The following LRRC37A2 variants were observed in gnomAD, a reference collection of about 807,000 sequenced individuals.
LRRC37A2 encodes the protein leucine-rich repeat-containing protein 37A2.
LRRC37A2 carries 9 observed loss-of-function variants against 68.8 expected under a neutral mutation model. The ratio of observed to expected loss-of-function variants is 0.13; its 90% CI spans 0.08 to 0.23. The LOEUF is 0.23. Among genes scored for constraint, LRRC37A2 ranks in the 10% least tolerant of loss-of-function variants. LRRC37A2 has a pLI of 1.00. For synonymous variants in LRRC37A2, 63 were observed against 367.6 expected, an observed-to-expected ratio of 0.17 and a Z score of 9.48; for missense variants, 168 against 950.4, an observed-to-expected ratio of 0.18 and a Z score of 10.82.
the LRRC37A2 span, among the ~76,000 whole-genome samples, chr17:46,801,601 C>G: frequency 7.6e-6 from 1 of 131,468 alleles, no homozygotes; most frequent in African/African-American, 2.9e-5. Flanking sequence ...CTCTGGGCAA[C>G]AGAGCGAGAC....
the LRRC37A2 span, among the ~76,000 whole-genome samples, chr17:46,846,573 G>A: frequency 1.3e-5 from 2 of 152,262 alleles, no homozygotes; most frequent in Non-Finnish European, 2.9e-5. Flanking sequence ...GGAATTGTCA[G>A]TCAAGGTGGG....
At chr17:46,752,887 C>G in the LRRC37A2 span, among the ~76,000 whole-genome samples, 59 of 152,306 alleles carry the variant, frequency 3.9e-4, 2 homozygotes, top group East Asian at 0.011. Flanking sequence ...CTGCCTCGGC[C>G]TCCTGAGTAG....
chr17:46,997,008 T>C, the LRRC37A2 span, among the ~76,000 whole-genome samples: 1 of 152,182 alleles, frequency 6.6e-6, no homozygotes, highest in Non-Finnish European at 1.5e-5. Context: ...AGTTTCTCTT[T>C]AGAAGTAATC....
At chr17:46,918,648 C>G in the LRRC37A2 span, among the ~76,000 whole-genome samples, 7 of 150,982 alleles carry the variant, frequency 4.6e-5, no homozygotes, top group Non-Finnish European at 1.0e-4. Flanking sequence ...CATACAATTT[C>G]CCAGAGCACT....
chr17:46,936,792 A>G, the LRRC37A2 span: 6 of 983,350 alleles, frequency 6.1e-6, no homozygotes, highest in South Asian at 4.7e-5. Flanking sequence ...AAAAAAAAAT[A>G]CAAATACATT....
At chr17:46,867,778 G>A in the LRRC37A2 span, among the ~76,000 whole-genome samples, 10 of 152,320 alleles carry the variant, frequency 6.6e-5, no homozygotes, top group African/African-American at 2.2e-4. Context: ...GTGAGAGTGT[G>A]TGAGATGAAG....
chr17:46,390,232 A>G, the LRRC37A2 span, among the ~76,000 whole-genome samples: 4 of 98,096 alleles, frequency 4.1e-5, no homozygotes, highest in East Asian at 9.0e-4. Context: ...TTATGACCTA[A>G]TTTAGCCTCA....
chr17:46,759,477 G>A, the LRRC37A2 span, among the ~76,000 whole-genome samples: 4 of 152,208 alleles, frequency 2.6e-5, no homozygotes, highest in Non-Finnish European at 4.4e-5. Context: ...CAGCGTAGAC[G>A]CCATGCAACT....
chr17:46,798,634 G>A, the LRRC37A2 span, among the ~76,000 whole-genome samples: 2 of 152,114 alleles, frequency 1.3e-5, no homozygotes, highest in African/African-American at 4.8e-5. Flanking sequence ...TCCCACCCAG[G>A]CCTCCTGCAC....
chr17:46,398,059 A>G, the LRRC37A2 span, among the ~76,000 whole-genome samples: 2 of 82,472 alleles, frequency 2.4e-5, no homozygotes, highest in African/African-American at 7.2e-5. Flanking sequence ...AGGGAAGCAA[A>G]GGTTGCAGTG....
At chr17:46,768,557 G>A in the LRRC37A2 span, 6 of 1,614,082 alleles carry the variant, frequency 3.7e-6, no homozygotes, top group African/African-American at 4.0e-5. This position sits in a 1 kb window ranked among gnomAD's most constrained non-coding sequence, Gnocchi z 5.0. Flanking sequence ...GGGAGTTCTC[G>A]TAGTAGACCA....
At chr17:46,731,914 T>C in the LRRC37A2 span, among the ~76,000 whole-genome samples, 13 of 152,222 alleles carry the variant, frequency 8.5e-5, no homozygotes, top group Non-Finnish European at 1.9e-4. Flanking sequence ...CCACCTTGCT[T>C]TTTAAAATGT....
chr17:46,906,963 A>G, the LRRC37A2 span, among the ~76,000 whole-genome samples: 2 of 152,352 alleles, frequency 1.3e-5, 1 homozygote, highest in South Asian at 4.1e-4. Context: ...TTTAGTCGTC[A>G]CAAAAAACTC....
chr17:47,029,899 C>T, the LRRC37A2 span, among the ~76,000 whole-genome samples: 1 of 151,662 alleles, frequency 6.6e-6, no homozygotes, highest in Non-Finnish European at 1.5e-5. Context: ...CCTGTCTCTA[C>T]TAAAAATACA....
the LRRC37A2 span, among the ~76,000 whole-genome samples, chr17:46,779,078 C>T: frequency 6.8e-6 from 1 of 146,242 alleles, no homozygotes; most frequent in Non-Finnish European, 1.5e-5. Context: ...CACACACACA[C>T]ACACACACAC....
chr17:46,876,417 G>T, the LRRC37A2 span: 2 of 1,613,790 alleles, frequency 1.2e-6, no homozygotes, highest in Non-Finnish European at 1.7e-6. Flanking sequence ...GCCTTGGGCC[G>T]CCTAGAGCTG....
the LRRC37A2 span, among the ~76,000 whole-genome samples, chr17:46,498,809 C>A: frequency 1.3e-5 from 2 of 149,580 alleles, no homozygotes; most frequent in Non-Finnish European, 1.5e-5. Flanking sequence ...TCCTCTTAAG[C>A]TCTTTAAAAT....
At chr17:46,751,765 T>C in the LRRC37A2 span, 1 of 526,462 alleles carries the variant, frequency 1.9e-6, no homozygotes, top group South Asian at 3.5e-5. Flanking sequence ...ATTAGTAGCC[T>C]GCTTCTGAGA....
At chr17:46,492,684 GTTTTGTTTTTTTT>G in the LRRC37A2 span, among the ~76,000 whole-genome samples, 7 of 127,848 alleles carry the variant, frequency 5.5e-5, no homozygotes, top group Non-Finnish European at 9.5e-5. Flanking sequence ...TCAGGGTTTT[GTTTTGTTTTTTTT>G]TTTTTTTTTT....
Sources: gnomAD v4.1 joint callset for allele counts (sites outside exome capture counted in the v4.1 genomes callset) on GRCh38, gnomAD v4.1.1 for gene constraint, Gnocchi (gnomAD v3.1) non-coding constraint, MANE v1.5 for transcripts, NCBI Gene and HGNC (gene_info 2026-07-23, HGNC 2026-07-21) for gene names.